Variants in CDH13 observed in about 807,000 individuals in gnomAD.
CDH13 encodes cadherin-13.
Under a neutral mutation model 63.8 loss-of-function variants are expected in CDH13, and 24 were observed. The observed-to-expected ratio is 0.38, with a 90% CI of 0.27 to 0.53. CDH13 has a LOEUF of 0.53. CDH13 is among the 20% of genes least tolerant of loss of function. CDH13 has a pLI of 0.85. For missense variants in CDH13, 1,049 were observed against 903.1 expected (o/e 1.16, Z -2.07); for synonymous variants, 503 against 355.3 (o/e 1.42, Z -4.67).
intron 7 of CDH13, among the ~76,000 whole-genome samples, chr16:83,570,445 C>T (rs1440410634): frequency 6.6e-6 from 1 of 152,048 alleles, no homozygotes; most frequent in Non-Finnish European, 1.5e-5. Flanking sequence ...TTTCTGAGTT[C>T]TGATCATGTT....
intron 2 of CDH13, among the ~76,000 whole-genome samples, chr16:83,019,208 T>C (rs1453417759): frequency 6.6e-6 from 1 of 152,226 alleles, no homozygotes; most frequent in Non-Finnish European, 1.5e-5. Flanking sequence ...AGAAAATATT[T>C]TCTTTATATC....
At chr16:82,944,955 G>A (rs886183129) in intron 2 of CDH13, among the ~76,000 whole-genome samples, 14 of 152,156 alleles carry the variant, frequency 9.2e-5, no homozygotes, top group Non-Finnish European at 1.6e-4. Context: ...ACAAATTAAA[G>A]TAGGCAGTAG....
rs183183497 is a variant in CDH13, at chr16:83,043,001, G to A, written c.366+10783G>A. ...GCCTCCCCAGGTACTGTTAAGGAAA[G>A]TTAGTATCCATTTAACTGTCACCTA... On this transcript the variant is annotated intron_variant, in intron 3 of 13. Coordinates refer to ENST00000567109, the MANE Select transcript of CDH13 (RefSeq NM_001257.5). 2.1e-3 allele frequency among the ~76,000 whole-genome samples: 326 copies of A among 152,320 alleles called. 1 individual carries two copies. The highest frequency in any genetic ancestry group is 0.017 in the Middle Eastern group (5 of 294).
At chr16:83,248,312 T>C (rs1905165266) in intron 5 of CDH13, among the ~76,000 whole-genome samples, 1 of 152,168 alleles carries the variant, frequency 6.6e-6, no homozygotes, top group African/African-American at 2.4e-5. Context: ...ATAAAAATCC[T>C]ACCCTCTAGC....
At chr16:83,138,810 C>T (rs1359434444) in intron 4 of CDH13, among the ~76,000 whole-genome samples, 1 of 151,934 alleles carries the variant, frequency 6.6e-6, no homozygotes, top group Non-Finnish European at 1.5e-5. Flanking sequence ...GACAGAAATC[C>T]AGGAGGGTGA....
chr16:82,639,150 A>G (rs1011435464), intron 1 of CDH13, among the ~76,000 whole-genome samples: 3 of 152,174 alleles, frequency 2.0e-5, no homozygotes, highest in South Asian at 2.1e-4. Flanking sequence ...TCCCCTCATT[A>G]TATAAAAATT....
chr16:83,621,647 C>T (rs759514130), intron 8 of CDH13, among the ~76,000 whole-genome samples: 26 of 151,634 alleles, frequency 1.7e-4, no homozygotes, highest in African/African-American at 1.2e-4. Context: ...CCACCATACC[C>T]GGCTAATTTT....
intron 7 of CDH13, among the ~76,000 whole-genome samples, chr16:83,504,216 C>T (rs940077072): frequency 2.0e-5 from 3 of 152,164 alleles, no homozygotes; most frequent in African/African-American, 7.2e-5. Flanking sequence ...GGATTTTAAT[C>T]CTCAGGTTGC....
intron 7 of CDH13, among the ~76,000 whole-genome samples, chr16:83,497,654 A>G (rs1488689699): frequency 2.0e-5 from 3 of 151,618 alleles, no homozygotes; most frequent in South Asian, 2.1e-4. Context: ...TAAAACTTTA[A>G]TAAAAAAAAA....
rs774001071 is a variant in CDH13 at position 83,486,663 on chromosome 16, G to A, written c.960+8G>A. On this transcript the variant is annotated splice_region_variant and intron_variant, in intron 7 of 13. Transcript: ENST00000567109. Reference sequence around the variant, plus strand: ...GCGCTGCTGGACCGAGAGGTGAGCTGAAAAGAATACACTTTCTTTTTCACG... The same window carrying A: ...GCGCTGCTGGACCGAGAGGTGAGCTAAAAAGAATACACTTTCTTTTTCACG... 16 of 1,612,410 alleles carry A rather than the reference G, an allele frequency of 9.9e-6. No individual in the cohort carries two copies. The highest frequency in any genetic ancestry group is 2.7e-5 in the African/African-American group (2 of 74,906).
chr16:83,571,610 C>G (rs1430401342), intron 7 of CDH13, among the ~76,000 whole-genome samples: 1 of 152,084 alleles, frequency 6.6e-6, no homozygotes, highest in Non-Finnish European at 1.5e-5. Flanking sequence ...ATTGGGTCTG[C>G]CACTCCTTAA....
intron 10 of CDH13, among the ~76,000 whole-genome samples, chr16:83,730,828 T>C (rs1486189010): frequency 3.3e-5 from 5 of 152,320 alleles, no homozygotes; most frequent in African/African-American, 1.2e-4. Flanking sequence ...CTCCCCCTTC[T>C]AGTAGTCCCC....
chr16:83,577,683 T>C (rs1905184911), intron 7 of CDH13, among the ~76,000 whole-genome samples: 1 of 152,192 alleles, frequency 6.6e-6, no homozygotes, highest in Non-Finnish European at 1.5e-5. Flanking sequence ...GAAGGCCACA[T>C]CCGTCACCCT....
chr16:83,247,204 G>A (rs1905069121), intron 5 of CDH13, among the ~76,000 whole-genome samples: 1 of 152,150 alleles, frequency 6.6e-6, no homozygotes, highest in South Asian at 2.1e-4. Flanking sequence ...TGGGGTTTTA[G>A]CAGGTCATTT....
intron 7 of CDH13, among the ~76,000 whole-genome samples, chr16:83,601,522 G>A (rs781047689): frequency 6.6e-6 from 1 of 152,178 alleles, no homozygotes; most frequent in Non-Finnish European, 1.5e-5. Context: ...CGACAAAAAA[G>A]ACATGAAAGA....
intron 10 of CDH13, among the ~76,000 whole-genome samples, chr16:83,698,727 C>T (rs1332113320): frequency 6.6e-6 from 1 of 152,228 alleles, no homozygotes; most frequent in African/African-American, 2.4e-5. Context: ...TTCAGTCCAG[C>T]GTCTTGCCCT....
chr16:83,416,895 G>T (rs1360519252), intron 6 of CDH13, among the ~76,000 whole-genome samples: 3 of 152,050 alleles, frequency 2.0e-5, no homozygotes, highest in Non-Finnish European at 4.4e-5. Flanking sequence ...TATTGAAATG[G>T]TTATGCTAAA....
intron 6 of CDH13, among the ~76,000 whole-genome samples, chr16:83,373,015 T>C (rs2091400257): frequency 6.6e-6 from 1 of 152,186 alleles, no homozygotes; most frequent in Admixed American, 6.5e-5. Context: ...TAGTTTTACC[T>C]AAATAGTTTA....
chr16:82,980,059 G>A (rs1180093519), intron 2 of CDH13, among the ~76,000 whole-genome samples: 1 of 152,142 alleles, frequency 6.6e-6, no homozygotes, highest in Non-Finnish European at 1.5e-5. Context: ...ACAAGGGATG[G>A]CACCACCCCC....
Sources: gnomAD v4.1 joint callset for allele counts (sites outside exome capture counted in the v4.1 genomes callset) on GRCh38, gnomAD v4.1.1 for gene constraint, MANE v1.5 for transcripts, NCBI Gene and HGNC (gene_info 2026-07-23, HGNC 2026-07-21) for gene names.